The following CCNI variants were observed in gnomAD, a reference collection of about 807,000 sequenced individuals.
CCNI encodes the protein cyclin-I.
Under a neutral mutation model 34.1 loss-of-function variants are expected in CCNI, and 14 were observed. That is an observed-to-expected ratio of 0.41 (90% CI 0.27 to 0.64). CCNI has a LOEUF of 0.64. Among genes scored for constraint, CCNI ranks in the 30% least tolerant of loss-of-function variants. The probability of loss-of-function intolerance (pLI) is 0.31; values close to 1 mark genes in which losing one functional copy is unlikely to be tolerated. For missense variants in CCNI, 385 were observed against 440.5 expected (o/e 0.87, Z 1.13); for synonymous variants, 154 against 158.4 (o/e 0.97, Z 0.21).
rs574678983 is a variant in CCNI, at chr4:77,052,369, T to C, written c.690+2781A>G. Among the ~76,000 whole-genome samples the C allele has an allele frequency of 2.4e-4, 37 of 152,298 alleles. 1 individual carries two copies. Among genetic ancestry groups the C allele is most frequent in the African/African-American group, 8.9e-4 (37 of 41,558 alleles). On this transcript the variant is annotated intron_variant, in intron 6 of 6. Transcript: ENST00000237654. The stretch of plus-strand genomic sequence containing the variant: ...CTTTGACTACTGCCCAGCTAGGAAC[T>C]ACAAAGACCACCACACTAATCTAGG...
At chr4:77,059,588 TG>T (rs953432615) in intron 2 of CCNI, among the ~76,000 whole-genome samples, 4 of 152,084 alleles carry the variant, frequency 2.6e-5, no homozygotes, top group Admixed American at 6.5e-5. Context: ...CTGTTGCCCC[TG>T]GTAACTTTCA....
chr4:77,063,915 A>G (rs1578247776), intron 2 of CCNI, among the ~76,000 whole-genome samples: 1 of 152,048 alleles, frequency 6.6e-6, no homozygotes, highest in Non-Finnish European at 1.5e-5. Context: ...GTTCTCTGGT[A>G]TTACCACACC....
intron 1 of CCNI, among the ~76,000 whole-genome samples, chr4:77,068,960 A>T (rs1202168043): frequency 3.3e-5 from 5 of 152,176 alleles, no homozygotes; most frequent in Admixed American, 3.3e-4. Flanking sequence ...AATCTTCTAT[A>T]ATTAGCATAA....
At chr4:77,054,984 A>G (rs1304697519) in intron 6 of CCNI, among the ~76,000 whole-genome samples, 166 bp downstream of exon 6, 1 of 152,252 alleles carries the variant, frequency 6.6e-6, no homozygotes, top group Non-Finnish European at 1.5e-5. Context: ...ATATGAAAAA[A>G]AGAGATCACC....
chr4:77,073,040 G>A (rs1729606369), intron 1 of CCNI, among the ~76,000 whole-genome samples: 1 of 152,176 alleles, frequency 6.6e-6, no homozygotes, highest in African/African-American at 2.4e-5. Flanking sequence ...CTAAGAAAAT[G>A]CAAACATTTA....
chr4:77,056,551 A>G (rs1486924042), intron 3 of CCNI: 1 of 494,302 alleles, frequency 2.0e-6, no homozygotes, highest in Non-Finnish European at 3.6e-6. Context: ...AAGGAAGGAA[A>G]GTACACTTGC....
At chr4:77,068,327 A>G (rs1297070472) in intron 1 of CCNI, among the ~76,000 whole-genome samples, 1 of 152,228 alleles carries the variant, frequency 6.6e-6, no homozygotes, top group African/African-American at 2.4e-5. Context: ...TAATGAAAAG[A>G]CTGGATAGGG....
intron 6 of CCNI, among the ~76,000 whole-genome samples, chr4:77,053,446 GA>G (rs61202602): frequency 6.6e-5 from 10 of 151,616 alleles, no homozygotes; most frequent in African/African-American, 2.4e-4. Context: ...CAGCTAAGAA[GA>G]AAAAAAAGTT....
At chr4:77,055,855 T>G in intron 5 of CCNI, 107 bp downstream of exon 5, 1 of 912,676 alleles carries the variant, frequency 1.1e-6, no homozygotes, top group Non-Finnish European at 1.7e-6. Flanking sequence ...TATCAAGTTT[T>G]CTTTTTCCTA....
Position 77,075,654 on chromosome 4 carries a change from C to G in CCNI, c.-226G>C. 2 of 783,084 alleles carry G rather than the reference C, an allele frequency of 2.6e-6. No homozygotes were observed. Among genetic ancestry groups the G allele is most frequent in the Non-Finnish European group, 3.1e-6 (2 of 643,920 alleles). 48.5% of individuals were successfully genotyped at this position (783,084 alleles called of 1,614,324 possible). On this transcript the variant is annotated 5_prime_UTR_variant, in exon 1 of 7. Transcript: ENST00000237654. ...GGAAGCGGATCGGGGGGCGCGGGCG[C>G]GGGCGCTGGCGCTCGAGCGGGACGC... is the stretch of plus-strand genomic sequence containing the variant.
intron 2 of CCNI, chr4:77,064,707 A>T (rs1728903328): frequency 6.9e-6 from 1 of 145,638 alleles, no homozygotes; most frequent in Non-Finnish European, 1.5e-5. Flanking sequence ...ACGGAGTCTC[A>T]CTTACCCTGT....
intron 1 of CCNI, among the ~76,000 whole-genome samples, chr4:77,067,318 T>C (rs1729108277): frequency 6.6e-6 from 1 of 152,102 alleles, no homozygotes; most frequent in Admixed American, 6.5e-5. Flanking sequence ...GTGGATACTA[T>C]ATCGGACAGT....
chr4:77,055,109 A>G lies in CCNI; in HGVS notation c.690+41T>C, dbSNP rs750232012. ...TAACTCTATGTATTCCAATAATAGA[A>G]AAACTTAAAAAGAACACTATTTAAT... On this transcript the variant is annotated intron_variant, in intron 6 of 6. Transcript: ENST00000237654. 6.6e-6 allele frequency: 9 copies of G among 1,373,202 alleles called. No homozygotes were observed. The East Asian group carries it at 2.1e-4, about 32-fold the overall frequency. The allele number at this position is 1,373,202 out of a possible 1,614,324, so 85.1% of individuals were successfully genotyped here.
In CCNI at chr4:77,048,036, T is replaced by C. The variant is rs1727548844; in HGVS notation, c.*183A>G. On this transcript the variant is annotated 3_prime_UTR_variant, in exon 7 of 7. Transcript: ENST00000237654. ...CTTTTTTTTTTTTTTGGTCTTTATGTGCTTAAATAACGCTGAATTATAATT... is the reference window on the plus strand; with the variant it reads ...CTTTTTTTTTTTTTTGGTCTTTATGCGCTTAAATAACGCTGAATTATAATT... 1 of 452,252 alleles carries C rather than the reference T, an allele frequency of 2.2e-6. No homozygotes were observed. Among genetic ancestry groups the C allele is most frequent in the African/African-American group, 2.0e-5 (1 of 50,610 alleles). The allele number at this position is 452,252 out of a possible 1,614,324, so 28.0% of individuals were successfully genotyped here.
rs370598344 is a variant in CCNI, at chr4:77,058,513, G to A, written c.237C>T (p.Thr79=). The change falls in exon 3 of 7, where the codon ACC becomes ACT. Residue 79 remains threonine, a synonymous_variant. Transcript: ENST00000237654. ...TCTATCTTAAAACACTTACCTTTAC[G>A]GTAGCTAAAAACCTATCCAAAAGAC... ...ASSLLDRFLA[T]VKAHPKYLSC... The A allele has an allele frequency of 1.2e-5, 19 of 1,611,930 alleles. No homozygotes were observed. Among genetic ancestry groups the A allele is most frequent in the East Asian group, 4.5e-5 (2 of 44,776 alleles).
At chr4:77,074,028 C>G (rs1260558256) in intron 1 of CCNI, among the ~76,000 whole-genome samples, 2 of 152,060 alleles carry the variant, frequency 1.3e-5, no homozygotes, top group African/African-American at 4.8e-5. Context: ...TCTTACTACA[C>G]CCCCATTTCA....
chr4:77,072,228 T>C (rs1385967414), intron 1 of CCNI, among the ~76,000 whole-genome samples: 1 of 151,856 alleles, frequency 6.6e-6, no homozygotes, highest in African/African-American at 2.4e-5. Flanking sequence ...ACGCAATACA[T>C]TATCAATAGT....
intron 1 of CCNI, among the ~76,000 whole-genome samples, chr4:77,069,472 G>A (rs1320844078): frequency 1.3e-5 from 2 of 151,322 alleles, no homozygotes; most frequent in Non-Finnish European, 2.9e-5. Flanking sequence ...TAAGTTCTAG[G>A]GTACATGTGC....
chr4:77,060,302 C>T (rs999773476), intron 2 of CCNI, among the ~76,000 whole-genome samples: 6 of 152,114 alleles, frequency 3.9e-5, no homozygotes, highest in Non-Finnish European at 5.9e-5. Context: ...GGAATGCAAA[C>T]GTACTCAAAT....
Sources: gnomAD v4.1 joint callset for allele counts (sites outside exome capture counted in the v4.1 genomes callset) on GRCh38, gnomAD v4.1.1 for gene constraint, MANE v1.5 for transcripts, NCBI Gene and HGNC (gene_info 2026-07-23, HGNC 2026-07-21) for gene names.